KHDRBS3: variants seen among roughly 807,000 people sequenced by gnomAD.
The protein encoded by KHDRBS3 is KH RNA binding domain containing, signal transduction associated 3.
A neutral mutation model predicts 45.6 loss-of-function variants in KHDRBS3; 23 were observed. That is an observed-to-expected ratio of 0.50 (90% confidence interval 0.36 to 0.72). The LOEUF (loss-of-function observed/expected upper bound fraction) is 0.72. KHDRBS3 is among the 30% of genes least tolerant of loss of function. The probability of loss-of-function intolerance (pLI) is 0.00; values close to 1 mark genes in which losing one functional copy is unlikely to be tolerated. For synonymous variants in KHDRBS3, 162 were observed against 156.5 expected, an observed-to-expected ratio of 1.04 and a Z score of -0.26; for missense variants, 352 against 424.8, an observed-to-expected ratio of 0.83 and a Z score of 1.51.
At chr8:135,653,528 G>C (rs1831471125) in intron 4 of KHDRBS3, among the ~76,000 whole-genome samples, 1 of 152,176 alleles carries the variant, frequency 6.6e-6, no homozygotes, top group Non-Finnish European at 1.5e-5. Flanking sequence ...TCTGCAGCTA[G>C]CCATAGTGGT....
At chr8:135,476,642 A>G (rs188614774) in intron 1 of KHDRBS3, among the ~76,000 whole-genome samples, 1 of 152,260 alleles carries the variant, frequency 6.6e-6, no homozygotes, top group African/African-American at 2.4e-5. Context: ...CACTGTTACC[A>G]TTGAGTAGAT....
At chr8:135,588,486 A>G (rs564816778) in intron 6 of KHDRBS3, among the ~76,000 whole-genome samples, 1 of 151,950 alleles carries the variant, frequency 6.6e-6, no homozygotes, top group African/African-American at 2.4e-5. Flanking sequence ...TTAGCGATTG[A>G]CTCAATCTCC....
chr8:135,489,550 C>T (rs190351921), intron 1 of KHDRBS3, among the ~76,000 whole-genome samples: 3 of 152,084 alleles, frequency 2.0e-5, no homozygotes, highest in East Asian at 1.9e-4. Context: ...TGGTGGCACA[C>T]AGCTGTAGTC....
intron 2 of KHDRBS3, chr8:135,542,236 G>A (rs7828457): frequency 0.8 from 123,315 of 154,184 alleles, 49,853 homozygotes; most frequent in East Asian, 0.96. Context: ...AGGGCTGACC[G>A]GGTAGAAGAA....
At chr8:135,636,934 T>C (rs1438302442) in intron 7 of KHDRBS3, among the ~76,000 whole-genome samples, 3 of 152,246 alleles carry the variant, frequency 2.0e-5, no homozygotes, top group African/African-American at 2.4e-5. Context: ...TAGTGCCATC[T>C]CTTTTTCCAG....
intron 5 of KHDRBS3, 23 bp downstream of exon 5, chr8:135,557,610 G>A (rs1219911131): frequency 3.2e-6 from 5 of 1,583,176 alleles, no homozygotes; most frequent in Admixed American, 3.4e-5. Context: ...TTTTTTTTAG[G>A]TTAACATACC....
At chr8:135,459,383 C>T (rs539548597) in intron 1 of KHDRBS3, among the ~76,000 whole-genome samples, 75 of 152,186 alleles carry the variant, frequency 4.9e-4, no homozygotes, top group African/African-American at 1.8e-3. Context: ...ATTTTTATTT[C>T]TTTAATAAAA....
At chr8:135,647,627 T>C (rs147433857), downstream of KHDRBS3, 4 of 152,746 alleles carry the variant, frequency 2.6e-5, no homozygotes, top group East Asian at 5.8e-4. Flanking sequence ...GTGTGTGAGC[T>C]AACAATTTCA....
chr8:135,628,040 A>G (rs1411359506), intron 7 of KHDRBS3, among the ~76,000 whole-genome samples: 1 of 152,230 alleles, frequency 6.6e-6, no homozygotes, highest in Non-Finnish European at 1.5e-5. Context: ...TTACTAAGCC[A>G]GAATGAATGC....
chr8:135,538,128 T>C (rs1825867439), intron 2 of KHDRBS3, among the ~76,000 whole-genome samples: 1 of 152,036 alleles, frequency 6.6e-6, no homozygotes, highest in South Asian at 2.1e-4. Context: ...GGCAGTGCGA[T>C]GAATGGGTGG....
intron 1 of KHDRBS3, among the ~76,000 whole-genome samples, chr8:135,515,365 T>TAAAAAAAAAAAAAAAAAAAAAAAAAAA (rs59502823): frequency 5.0e-5 from 2 of 39,740 alleles, no homozygotes; most frequent in Non-Finnish European, 4.8e-5. Flanking sequence ...GACTCCGTCT[T>TAAAAAAAAAAAAAAAAAAAAAAAAAAA]AAAAAAAAAA....
chr8:135,619,515 C>G (rs1225323751), intron 7 of KHDRBS3, among the ~76,000 whole-genome samples: 2 of 151,956 alleles, frequency 1.3e-5, no homozygotes, highest in Non-Finnish European at 2.9e-5. Context: ...AAAGTGTGAC[C>G]ATGGGCAAGT....
At chr8:135,574,523 A>G (rs1382502622) in intron 5 of KHDRBS3, among the ~76,000 whole-genome samples, 1 of 152,064 alleles carries the variant, frequency 6.6e-6, no homozygotes, top group Non-Finnish European at 1.5e-5. Flanking sequence ...ATATAAATGT[A>G]TGTCTTTCAA....
chr8:135,458,983 G>A lies in KHDRBS3; in HGVS notation c.88+1029G>A, dbSNP rs28607038. ...ATATGTGTTTCAGATGAAGATGGGT[G>A]TGGGTGCCACTGGTCTGTCTTTTCT... is the stretch of plus-strand genomic sequence containing the variant. On this transcript the variant is annotated intron_variant, in intron 1 of 8. Coordinates refer to ENST00000355849, the MANE Select transcript of KHDRBS3 (RefSeq NM_006558.3). 2,607 of 456,238 alleles carry A rather than the reference G, an allele frequency of 5.7e-3. 17 individuals carry two copies. The highest frequency in any genetic ancestry group is 0.018 in the Middle Eastern group (55 of 3,076). The allele number at this position is 456,238 out of a possible 1,614,324, so 28.3% of individuals were successfully genotyped here.
At chr8:135,609,330 T>A (rs552967266) in intron 7 of KHDRBS3, among the ~76,000 whole-genome samples, 69 of 152,004 alleles carry the variant, frequency 4.5e-4, no homozygotes, top group African/African-American at 1.6e-3. Context: ...TTTTCCCCTC[T>A]GTCACCCAGG....
intron 1 of KHDRBS3, among the ~76,000 whole-genome samples, chr8:135,515,365 TAAAAAAA>T (rs59502823): frequency 0.025 from 985 of 39,618 alleles, 30 homozygotes; most frequent in African/African-American, 0.042. Flanking sequence ...GACTCCGTCT[TAAAAAAA>T]AAAAAAAAAA....
At chr8:135,467,029 G>A (rs570571167) in intron 1 of KHDRBS3, among the ~76,000 whole-genome samples, 1 of 152,282 alleles carries the variant, frequency 6.6e-6, no homozygotes, top group Admixed American at 6.5e-5. Context: ...CTTGAGGTGA[G>A]GGATACCCAT....
At chr8:135,580,227 T>TA (rs766944753) in intron 5 of KHDRBS3, among the ~76,000 whole-genome samples, 24 of 152,164 alleles carry the variant, frequency 1.6e-4, no homozygotes, top group Non-Finnish European at 3.2e-4. Context: ...AATGTAGAAA[T>TA]ACTTTGAACG....
intron 1 of KHDRBS3, among the ~76,000 whole-genome samples, chr8:135,503,331 A>G (rs1408614408): frequency 6.6e-6 from 1 of 152,208 alleles, no homozygotes; most frequent in Non-Finnish European, 1.5e-5. Flanking sequence ...TCACGGCACT[A>G]TGGAGGGAAG....
Sources: allele counts gnomAD v4.1 joint callset (sites outside exome capture counted in the v4.1 genomes callset), GRCh38; gene constraint gnomAD v4.1.1; transcripts MANE v1.5; gene names NCBI Gene and HGNC (gene_info 2026-07-23, HGNC 2026-07-21).